The following PIP5K1B variants were observed in gnomAD, a reference collection of about 807,000 sequenced individuals.
PIP5K1B encodes the protein phosphatidylinositol 4-phosphate 5-kinase type-1 beta.
PIP5K1B carries 42 observed loss-of-function variants against 67.0 expected under a neutral mutation model. That is an observed-to-expected ratio of 0.63 (90% CI 0.49 to 0.81). The LOEUF is 0.81. Ranked by LOEUF, PIP5K1B falls within the 30% of genes least tolerant of loss-of-function variation. PIP5K1B has a pLI of 0.00. For missense variants in PIP5K1B, 459 were observed against 646.3 expected, an observed-to-expected ratio of 0.71 and a Z score of 3.14; for synonymous variants, 214 against 231.4, an observed-to-expected ratio of 0.92 and a Z score of 0.68.
chr9:68,962,562 T>G (rs1828809798), intron 14 of PIP5K1B, among the ~76,000 whole-genome samples: 1 of 152,200 alleles, frequency 6.6e-6, no homozygotes, highest in African/African-American at 2.4e-5. Flanking sequence ...GTTTACTAAT[T>G]GCTTTACCTA....
At chr9:68,737,044 G>A (rs932774444) in intron 1 of PIP5K1B, among the ~76,000 whole-genome samples, 2 of 152,068 alleles carry the variant, frequency 1.3e-5, no homozygotes, top group Admixed American at 6.5e-5. Context: ...CTTTCAGATT[G>A]TGTCTCTTAA....
At chr9:68,931,787 A>G (rs1312610612) in intron 12 of PIP5K1B, among the ~76,000 whole-genome samples, 1 of 152,234 alleles carries the variant, frequency 6.6e-6, no homozygotes, top group Non-Finnish European at 1.5e-5. Context: ...AAATGGACAC[A>G]GGATACCTAC....
intron 4 of PIP5K1B, among the ~76,000 whole-genome samples, 169 bp from the exon 5 acceptor site, chr9:68,863,668 G>C (rs1246944416): frequency 6.6e-6 from 1 of 152,156 alleles, no homozygotes; most frequent in Non-Finnish European, 1.5e-5. Context: ...TTAATGTTTG[G>C]AATAGATTCT....
At chr9:68,754,175 C>CTTTTTTTTTTTCTTTTTT (rs564811222) in intron 2 of PIP5K1B, among the ~76,000 whole-genome samples, 1,500 of 101,000 alleles carry the variant, frequency 0.015, 209 homozygotes, top group Non-Finnish European at 0.023. Context: ...TCCATGATTT[C>CTTTTTTTTTTTCTTTTTT]TTTTTTTTTT....
intron 4 of PIP5K1B, among the ~76,000 whole-genome samples, chr9:68,860,841 T>C (rs982302200): frequency 1.3e-5 from 2 of 152,218 alleles, no homozygotes; most frequent in African/African-American, 2.4e-5. Context: ...CCAGCCTCCC[T>C]AGAGGTGAGT....
intron 4 of PIP5K1B, among the ~76,000 whole-genome samples, chr9:68,828,556 A>G (rs1230755143): frequency 6.6e-6 from 1 of 152,228 alleles, no homozygotes; most frequent in African/African-American, 2.4e-5. Context: ...GCGGTGAGGA[A>G]GGAGGAAATA....
chr9:68,925,079 A>G (rs1826618698), intron 12 of PIP5K1B, among the ~76,000 whole-genome samples: 1 of 151,838 alleles, frequency 6.6e-6, no homozygotes, highest in Non-Finnish European at 1.5e-5. Flanking sequence ...ACAAGGCACC[A>G]TTTGAAGTTG....
chr9:68,715,409 C>T (rs1587330650), intron 1 of PIP5K1B, among the ~76,000 whole-genome samples: 1 of 152,152 alleles, frequency 6.6e-6, no homozygotes, highest in African/African-American at 2.4e-5. Context: ...TGTTTCTGAG[C>T]CACACTTGCA....
chr9:68,922,460 C>CAAAAAAAAAAGAAAAAA (rs141136674), intron 11 of PIP5K1B, among the ~76,000 whole-genome samples: 2 of 128,286 alleles, frequency 1.6e-5, no homozygotes, highest in East Asian at 2.1e-4. Flanking sequence ...GACTCTGTCT[C>CAAAAAAAAAAGAAAAAA]AAAAAAAAAG....
intron 2 of PIP5K1B, among the ~76,000 whole-genome samples, chr9:68,744,435 T>C (rs760333142): frequency 4.6e-5 from 7 of 152,236 alleles, no homozygotes; most frequent in African/African-American, 7.2e-5. Flanking sequence ...ATTCCTCATA[T>C]ATAATAAAAA....
At chr9:68,892,776 G>C (rs895633767) in intron 7 of PIP5K1B, among the ~76,000 whole-genome samples, 2 of 152,078 alleles carry the variant, frequency 1.3e-5, no homozygotes, top group Non-Finnish European at 2.9e-5. Context: ...CACATCAAAA[G>C]GCAACACATT....
intron 1 of PIP5K1B, chr9:68,708,015 A>G (rs2132228026): frequency 6.6e-6 from 1 of 152,322 alleles, no homozygotes; most frequent in Non-Finnish European, 1.5e-5. Context: ...TGTACCCCAC[A>G]TCACCTAAGA....
chr9:68,853,555 A>G (rs891022596), intron 4 of PIP5K1B, among the ~76,000 whole-genome samples: 1 of 152,196 alleles, frequency 6.6e-6, no homozygotes, highest in African/African-American at 2.4e-5. Context: ...GAAAAATCAG[A>G]AAGTTTTCAG....
intron 1 of PIP5K1B, among the ~76,000 whole-genome samples, chr9:68,719,489 C>T (rs1827782761): frequency 6.6e-6 from 1 of 152,168 alleles, no homozygotes; most frequent in Non-Finnish European, 1.5e-5. Context: ...GTGATGTGAA[C>T]CAGACTGTTC....
Position 68,879,503 on chromosome 9 carries a change from G to A in PIP5K1B, c.318+2709G>A, listed in dbSNP as rs555825904. On this transcript the variant is annotated intron_variant, in intron 6 of 15. Transcript: ENST00000265382. ...GAATCACTTGAACCTGGAAGGCAGA[G>A]GTTGCAGTGAGCCAAGTTCGGACCT... is the stretch of plus-strand genomic sequence containing the variant. Among the ~76,000 whole-genome samples the A allele has an allele frequency of 2.3e-3, 351 of 152,324 alleles. 1 individual carries two copies. Among genetic ancestry groups the A allele is most frequent in the African/African-American group, 8.1e-3 (337 of 41,578 alleles).
chr9:68,865,998 G>C (rs1440209161), intron 5 of PIP5K1B, among the ~76,000 whole-genome samples: 1 of 152,180 alleles, frequency 6.6e-6, no homozygotes, highest in African/African-American at 2.4e-5. Flanking sequence ...ATGTCAAAAT[G>C]ACATCTATTA....
intron 6 of PIP5K1B, among the ~76,000 whole-genome samples, chr9:68,888,199 C>T (rs1375073744): frequency 3.9e-5 from 6 of 151,996 alleles, no homozygotes; most frequent in East Asian, 1.9e-4. Flanking sequence ...AGGATGGTCT[C>T]GATCTCCTGA....
intron 14 of PIP5K1B, among the ~76,000 whole-genome samples, chr9:68,974,441 T>C (rs1321384031): frequency 2.0e-5 from 3 of 152,070 alleles, no homozygotes. Flanking sequence ...CTAGCCTTGA[T>C]CCTTAACTTA....
chr9:68,963,079 A>T (rs991969725), intron 14 of PIP5K1B: 1 of 442,730 alleles, frequency 2.3e-6, no homozygotes, highest in Non-Finnish European at 4.6e-6. Context: ...ATTATTACTC[A>T]TAATAACTTG....
Sources: allele counts gnomAD v4.1 joint callset (sites outside exome capture counted in the v4.1 genomes callset), GRCh38; gene constraint gnomAD v4.1.1; transcripts MANE v1.5; gene names NCBI Gene and HGNC (gene_info 2026-07-23, HGNC 2026-07-21).